Variants in RBFOX3 observed in about 807,000 individuals in gnomAD.
RBFOX3 encodes the protein RNA binding fox-1 homolog 3, also known as RNA binding protein fox-1 homolog 3.
In RBFOX3, 17 loss-of-function variants were observed where a neutral mutation model predicts 48.7. That is an observed-to-expected ratio of 0.35 (90% CI 0.24 to 0.52). The LOEUF (loss-of-function observed/expected upper bound fraction) is 0.52. RBFOX3 is among the 20% of genes least tolerant of loss of function. RBFOX3 has a pLI of 0.94. For missense variants in RBFOX3, 382 were observed against 497.5 expected, an observed-to-expected ratio of 0.77 and a Z score of 2.21; for synonymous variants, 212 against 209.5, an observed-to-expected ratio of 1.01 and a Z score of -0.10.
At chr17:79,507,462 C>T (rs1323015703) in intron 1 of RBFOX3, among the ~76,000 whole-genome samples, 5 of 152,128 alleles carry the variant, frequency 3.3e-5, no homozygotes, top group Admixed American at 6.5e-5. Context: ...GTCAGGTGCC[C>T]GCGGGATGCT....
intron 4 of RBFOX3, among the ~76,000 whole-genome samples, chr17:79,142,020 C>A (rs2042020996): frequency 6.6e-6 from 1 of 152,222 alleles, no homozygotes; most frequent in Non-Finnish European, 1.5e-5. Context: ...TGCCCGCTGC[C>A]TCTGAGTTTG....
At chr17:79,128,971 C>T (rs941391428) in intron 4 of RBFOX3, among the ~76,000 whole-genome samples, 6 of 152,168 alleles carry the variant, frequency 3.9e-5, no homozygotes, top group African/African-American at 9.7e-5. Context: ...GGTGCTTTGC[C>T]ACCTGAGCCC....
chr17:79,620,160 GACATGCACACACATGCACACACATGTGC>G, the RBFOX3 span, among the ~76,000 whole-genome samples: 2 of 8,850 alleles, frequency 2.3e-4, no homozygotes, highest in East Asian at 4.1e-3. Flanking sequence ...TGCACGCGCG[GACATGCACACACATGCACACACATGTGC>G]ACATGCACAC....
Position 79,477,385 on chromosome 17 carries a change from T to C in RBFOX3, c.-175+5069A>G, listed in dbSNP as rs2078023810. On this transcript the variant is annotated intron_variant, in intron 2 of 14. Transcript: ENST00000693108. This position sits in a 1 kb window ranked among gnomAD's most constrained non-coding sequence, Gnocchi z 4.8. ...TCCTGGCTAACACGGTGAAACCCCG[T>C]CTCTACTAAAAATACAAAACATTAG... is the stretch of plus-strand genomic sequence containing the variant. Among the ~76,000 whole-genome samples the C allele has an allele frequency of 1.3e-5, 2 of 150,090 alleles. No homozygotes were observed. Among genetic ancestry groups the C allele is most frequent in the South Asian group, 2.1e-4 (1 of 4,748 alleles).
chr17:79,604,604 GA>G (rs1490634847), intron 1 of RBFOX3, among the ~76,000 whole-genome samples: 2 of 152,166 alleles, frequency 1.3e-5, no homozygotes, highest in Non-Finnish European at 2.9e-5. Flanking sequence ...AAAAGTTCCA[GA>G]AAAATAGGAG....
intron 4 of RBFOX3, among the ~76,000 whole-genome samples, chr17:79,164,553 T>C (rs2047614679): frequency 6.6e-6 from 1 of 152,230 alleles, no homozygotes; most frequent in Admixed American, 6.5e-5. Flanking sequence ...CATGGCCAGC[T>C]GTGCCAGTGA....
chr17:79,160,857 G>T (rs781498784), intron 4 of RBFOX3, among the ~76,000 whole-genome samples: 15 of 151,850 alleles, frequency 9.9e-5, no homozygotes, highest in Admixed American at 2.0e-4. Context: ...ACGCACACCT[G>T]TAATCCCAAC....
chr17:79,559,266 A>G (rs1196150656), intron 1 of RBFOX3, among the ~76,000 whole-genome samples: 1 of 152,004 alleles, frequency 6.6e-6, no homozygotes, highest in Non-Finnish European at 1.5e-5. Context: ...ATGGATGGGT[A>G]GATGGCAAAT....
At chr17:79,101,497 G>T in intron 9 of RBFOX3, 87 bp downstream of exon 9, 1 of 1,203,924 alleles carries the variant, frequency 8.3e-7, no homozygotes, top group South Asian at 1.3e-5. Flanking sequence ...GATCCAGGAA[G>T]GTCAGCCTGC....
intron 3 of RBFOX3, among the ~76,000 whole-genome samples, chr17:79,296,303 CACCACACA>C (rs999663695): frequency 6.9e-6 from 1 of 144,086 alleles, no homozygotes; most frequent in Non-Finnish European, 1.5e-5. Flanking sequence ...CACACACACA[CACCACACA>C]CACACACACA....
At chr17:79,092,256 G>A (rs2074069090) in intron 14 of RBFOX3, 3 of 985,380 alleles carry the variant, frequency 3.0e-6, no homozygotes, top group Non-Finnish European at 3.6e-6. Flanking sequence ...CAGGTTGGGG[G>A]CTGCCTGGTC....
chr17:79,182,822 C>A (rs1393362483), intron 4 of RBFOX3, among the ~76,000 whole-genome samples: 1 of 151,234 alleles, frequency 6.6e-6, no homozygotes, highest in African/African-American at 2.4e-5. Context: ...GAGCTCGGCG[C>A]CCCCGCCGCC....
At position 79,303,364 on chromosome 17, in the gene RBFOX3, C is replaced by T. The variant is rs371204670; in HGVS notation, c.-74+4360G>A. Among the ~76,000 whole-genome samples the T allele has an allele frequency of 2.9e-4, 44 of 151,974 alleles. No individual in the cohort carries two copies. The South Asian group carries it at 8.3e-3, about 29-fold the overall frequency. On this transcript the variant is annotated intron_variant, in intron 3 of 14. Coordinates refer to ENST00000693108, the MANE Select transcript of RBFOX3 (RefSeq NM_001350451.2). Reference sequence around the variant, plus strand: ...CAAATGCTTCGCCTGTGGACAGCATCGTCTGAGTGGTCTTGGGGAAGTGGG... The same window carrying T: ...CAAATGCTTCGCCTGTGGACAGCATTGTCTGAGTGGTCTTGGGGAAGTGGG...
At chr17:79,584,370 C>T (rs2144893652) in intron 1 of RBFOX3, among the ~76,000 whole-genome samples, 1 of 152,272 alleles carries the variant, frequency 6.6e-6, no homozygotes, top group South Asian at 2.1e-4. Flanking sequence ...ACCATTTGAT[C>T]CAACAATCCC....
chr17:79,449,402 TC>T (rs1162438005), intron 2 of RBFOX3, among the ~76,000 whole-genome samples: 8 of 151,786 alleles, frequency 5.3e-5, no homozygotes, highest in African/African-American at 1.7e-4. Flanking sequence ...GGTCCCCCTC[TC>T]AACCTGCCTC....
the RBFOX3 span, among the ~76,000 whole-genome samples, chr17:79,622,366 G>A: frequency 6.6e-6 from 1 of 152,254 alleles, no homozygotes; most frequent in Admixed American, 6.5e-5. Context: ...CCCTCCCCGG[G>A]CTCTCCCTGC....
chr17:79,561,867 C>G (rs1695338703), intron 1 of RBFOX3, among the ~76,000 whole-genome samples: 1 of 152,278 alleles, frequency 6.6e-6, no homozygotes, highest in Non-Finnish European at 1.5e-5. Context: ...GAACGCCCAG[C>G]AAAGATGTCA....
At chr17:79,426,345 T>C (rs2067376848) in intron 2 of RBFOX3, among the ~76,000 whole-genome samples, 1 of 152,164 alleles carries the variant, frequency 6.6e-6, no homozygotes, top group South Asian at 2.1e-4. Flanking sequence ...GCCATGTCTT[T>C]CTTGCTCGAA....
At chr17:79,557,920 C>T (rs1568414013) in intron 1 of RBFOX3, among the ~76,000 whole-genome samples, 1 of 152,110 alleles carries the variant, frequency 6.6e-6, no homozygotes, top group Admixed American at 6.5e-5. Context: ...GGCAAGGGGA[C>T]GGCCGGGAGA....
Sources: gnomAD v4.1 joint callset for allele counts (sites outside exome capture counted in the v4.1 genomes callset) on GRCh38, gnomAD v4.1.1 for gene constraint, Gnocchi (gnomAD v3.1) non-coding constraint, MANE v1.5 for transcripts, NCBI Gene and HGNC (gene_info 2026-07-23, HGNC 2026-07-21) for gene names.